Variants in PMVK observed in about 807,000 individuals in gnomAD.
The protein encoded by PMVK is phosphomevalonate kinase.
PMVK carries 10 observed loss-of-function variants against 19.0 expected under a neutral mutation model. The observed-to-expected ratio is 0.53, with a 90% CI of 0.32 to 0.89. The LOEUF is 0.89. PMVK is among the 40% of genes least tolerant of loss of function. The probability of loss-of-function intolerance (pLI) is 0.03; values close to 1 mark genes in which losing one functional copy is unlikely to be tolerated. For missense variants in PMVK, 222 were observed against 251.1 expected, an observed-to-expected ratio of 0.88 and a Z score of 0.78; for synonymous variants, 108 against 101.6, an observed-to-expected ratio of 1.06 and a Z score of -0.38.
At chr1:154,938,681 G>A (rs1558034245), upstream of PMVK, among the ~76,000 whole-genome samples, 1 of 152,110 alleles carries the variant, frequency 6.6e-6, no homozygotes, top group Non-Finnish European at 1.5e-5. Context: ...GTCTCAAGTG[G>A]AGGCTTTAGT....
chr1:154,939,187 G>C (rs1654590175), upstream of PMVK, among the ~76,000 whole-genome samples: 1 of 152,174 alleles, frequency 6.6e-6, no homozygotes, highest in East Asian at 1.9e-4. Context: ...CTCCTCCTCA[G>C]AGGCCAGCTC....
intron 3 of PMVK, among the ~76,000 whole-genome samples, chr1:154,927,496 C>G: frequency 6.6e-6 from 1 of 151,652 alleles, no homozygotes; most frequent in South Asian, 2.1e-4. Flanking sequence ...GTCCTCCACC[C>G]GGCCCCTGTG....
chr1:154,932,422 G>C lies in PMVK; in HGVS notation c.96-7C>G. On this transcript the variant is annotated splice_region_variant and splice_polypyrimidine_tract_variant and intron_variant, in intron 1 of 4. Coordinates refer to ENST00000368467, the MANE Select transcript of PMVK (RefSeq NM_006556.4). Reference sequence around the variant, plus strand: ...ACAGACATCAGCTCCAAGTCTGCAGGACAGGGAGATCAGAATCCAGTTAGC... The same window carrying C: ...ACAGACATCAGCTCCAAGTCTGCAGCACAGGGAGATCAGAATCCAGTTAGC... 1 of 1,598,826 alleles carries C rather than the reference G, an allele frequency of 6.3e-7. No individual in the cohort carries two copies. The highest frequency in any genetic ancestry group is 8.5e-7 in the Non-Finnish European group (1 of 1,172,318).
At chr1:154,942,028 A>G in the PMVK span, among the ~76,000 whole-genome samples, 113 of 152,306 alleles carry the variant, frequency 7.4e-4, no homozygotes, top group Non-Finnish European at 1.4e-3. Context: ...GGACTGGCCA[A>G]AGGAAATAGA....
chr1:154,936,647 C>T lies in PMVK; in HGVS notation c.39G>A (p.Leu13=), dbSNP rs900152114. 1.2e-6 allele frequency: 2 copies of T among 1,608,956 alleles called. No individual in the cohort carries two copies. Among genetic ancestry groups the T allele is most frequent in the African/African-American group, 1.3e-5 (1 of 74,888 alleles). ...PLGGAPRLVL[L]FSGKRKSGKD... is the part of the protein sequence containing the mutation. ...TCCCGGATTTCCTCTTGCCGCTGAA[C>T]AGCAGTACCAGCCGCGGGGCGCCTC... is the stretch of plus-strand genomic sequence containing the variant. Residue 13 remains leucine, a synonymous_variant, in exon 1 of 5, where the codon CTG becomes CTA. Coordinates refer to ENST00000368467, the MANE Select transcript of PMVK (RefSeq NM_006556.4).
upstream of PMVK, chr1:154,936,728 C>T: frequency 2.0e-6 from 3 of 1,522,624 alleles, no homozygotes; most frequent in South Asian, 1.2e-5. Context: ...ACACTTCTCC[C>T]TACCCCTAAA....
intron 1 of PMVK, among the ~76,000 whole-genome samples, chr1:154,934,028 C>A (rs1386687437): frequency 6.6e-6 from 1 of 152,178 alleles, no homozygotes; most frequent in Non-Finnish European, 1.5e-5. Flanking sequence ...GAGACTGAGT[C>A]TCACTCTGTA....
At chr1:154,931,448 AT>A (rs1379170583) in intron 2 of PMVK, among the ~76,000 whole-genome samples, 3 of 151,778 alleles carry the variant, frequency 2.0e-5, no homozygotes, top group Non-Finnish European at 2.9e-5. Flanking sequence ...TAACGATTCT[AT>A]TTTTTTTAAT....
chr1:154,938,009 G>A (rs991404965), upstream of PMVK: 1 of 152,164 alleles, frequency 6.6e-6, no homozygotes, highest in African/African-American at 2.4e-5. Context: ...AAGGAATGAA[G>A]AAAATATATG....
upstream of PMVK, chr1:154,936,995 C>T (rs1034402020): frequency 2.4e-4 from 73 of 309,068 alleles, 1 homozygote; most frequent in South Asian, 8.6e-4. Context: ...AACCTTCGCT[C>T]ACAGCCTGGC....
At chr1:154,933,732 T>A (rs902460656) in intron 1 of PMVK, among the ~76,000 whole-genome samples, 1 of 151,796 alleles carries the variant, frequency 6.6e-6, no homozygotes, top group African/African-American at 2.4e-5. Flanking sequence ...GATCTCGTGA[T>A]CCGCCCGCCT....
At position 154,926,459 on chromosome 1, in the gene PMVK, A is replaced by G. The variant is rs1654164227; in HGVS notation, c.337T>C (p.Ser113Pro). 6.2e-7 allele frequency: 1 copy of G among 1,613,876 alleles called. No homozygotes were observed. Residue 113 changes from serine to proline, a missense_variant, in exon 4 of 5, where the codon TCT (serine) becomes CCT (proline). Physicochemically the swap from Ser to Pro is moderately conservative, Grantham distance 74 (BLOSUM62 -1). Coordinates refer to ENST00000368467, the MANE Select transcript of PMVK (RefSeq NM_006556.4). ...IWLVSDTRRV[S>P]DIQWFREAYG... ...GCCTCCCGAAACCACTGGATGTCAG[A>G]CACTCTCCGTGTGTCACTCACCAGC...
rs1177295965 is a variant in PMVK at position 154,928,964 on chromosome 1, TG to T, written c.312+59del. 5.9e-6 allele frequency: 9 copies of T among 1,525,144 alleles called. No homozygotes were observed. The Admixed American group carries it at 1.5e-4, about 26-fold the overall frequency. The allele number at this position is 1,525,144 out of a possible 1,614,324, so 94.5% of individuals were successfully genotyped here. The stretch of plus-strand genomic sequence containing the variant: ...TGGTGGCAGTGGAGACAGAGAGAGA[TG>T]GACACAGCGAAGAGCTAGGGAAACA... On this transcript the variant is annotated intron_variant, in intron 3 of 4. Coordinates refer to ENST00000368467, the MANE Select transcript of PMVK (RefSeq NM_006556.4).
At chr1:154,938,450 T>G (rs751449708), upstream of PMVK, among the ~76,000 whole-genome samples, 15 of 152,156 alleles carry the variant, frequency 9.9e-5, no homozygotes, top group Non-Finnish European at 1.5e-4. Context: ...ATTAGCTGGA[T>G]AGCTGGACGT....
intron 2 of PMVK, among the ~76,000 whole-genome samples, chr1:154,931,071 G>A (rs993635498): frequency 6.6e-6 from 1 of 152,066 alleles, no homozygotes; most frequent in African/African-American, 2.4e-5. Flanking sequence ...CTGCGCTACA[G>A]AGCAAGACCT....
At chr1:154,932,252 G>A in intron 2 of PMVK, 100 bp downstream of exon 2, 4 of 846,484 alleles carry the variant, frequency 4.7e-6, no homozygotes, top group Non-Finnish European at 8.0e-6. Flanking sequence ...TGCCAGCAGT[G>A]GTGACGGGAA....
Position 154,926,399 on chromosome 1 carries a change from C to T in PMVK, c.397G>A (p.Ala133Thr), listed in dbSNP as rs1160059940. Residue 133 changes from alanine (A) to threonine (T), a missense_variant, in exon 4 of 5, where the codon GCG (alanine) becomes ACG (threonine). Transcript: ENST00000368467. ...CGCTGCTGTCGGCTCTGCTCCAACG[C>T]TACAACGCGGACCGTCTGCGTCACG... Reference protein sequence around the residue: ...GAVTQTVRVVALEQSRQQRGW... With the variant: ...GAVTQTVRVVTLEQSRQQRGW... 1.2e-6 allele frequency: 2 copies of T among 1,613,804 alleles called. No individual in the cohort carries two copies. The highest frequency in any genetic ancestry group is 1.7e-6 in the Non-Finnish European group (2 of 1,180,002).
chr1:154,936,557 G>A (rs1201600025), intron 1 of PMVK, 34 bp downstream of exon 1: 5 of 1,570,164 alleles, frequency 3.2e-6, no homozygotes, highest in Middle Eastern at 1.7e-4. Flanking sequence ...GATGCGGAGA[G>A]CTCCCCCTTC....
intron 1 of PMVK, among the ~76,000 whole-genome samples, chr1:154,935,027 C>G (rs1654458525): frequency 6.9e-6 from 1 of 145,672 alleles, no homozygotes; most frequent in Non-Finnish European, 1.5e-5. Context: ...TGGGTGCGCT[C>G]CAGCCTGGGT....
Sources: gnomAD v4.1 joint callset for allele counts (sites outside exome capture counted in the v4.1 genomes callset) on GRCh38, gnomAD v4.1.1 for gene constraint, MANE v1.5 for transcripts, NCBI Gene and HGNC (gene_info 2026-07-23, HGNC 2026-07-21) for gene names.